SLC22A9: variants seen among roughly 807,000 people sequenced by gnomAD.
SLC22A9 encodes organic anion transporter 7.
SLC22A9 carries 64 observed loss-of-function variants against 50.1 expected under a neutral mutation model. The observed-to-expected ratio is 1.28, with a 90% CI of 1.04 to 1.57. The LOEUF is 1.57. Among genes scored for constraint, SLC22A9 ranks in the 40% most tolerant of loss-of-function variants. The pLI is 0.00. For missense variants in SLC22A9, 757 were observed against 676.1 expected (o/e 1.12, Z -1.33); for synonymous variants, 261 against 242.5 (o/e 1.08, Z -0.71).
At chr11:63,390,290 A>T (rs2014740766) in intron 6 of SLC22A9, among the ~76,000 whole-genome samples, 1 of 152,104 alleles carries the variant, frequency 6.6e-6, no homozygotes, top group Non-Finnish European at 1.5e-5. Context: ...GTTTTCTTCT[A>T]GGGTTTTTAT....
intron 6 of SLC22A9, among the ~76,000 whole-genome samples, chr11:63,400,510 C>T (rs990783464): frequency 7.2e-5 from 11 of 151,896 alleles, no homozygotes; most frequent in African/African-American, 2.7e-4. Context: ...AGCAAGACAC[C>T]AGCAGTAATA....
intron 6 of SLC22A9, among the ~76,000 whole-genome samples, chr11:63,404,454 C>G (rs781675611): frequency 6.6e-5 from 10 of 152,168 alleles, no homozygotes; most frequent in Non-Finnish European, 1.3e-4. Flanking sequence ...GTAGGTAAAT[C>G]TCTCAGCTTA....
In SLC22A9 at chr11:63,408,828, C is replaced by A. The variant is rs955191340; in HGVS notation, c.1550C>A (p.Pro517His). ...FISGFAFLLL[P>H]ETRNKPLFDT... ...TCTGGCTTTGCTTTCCTCCTCCTTC[C>A]TGAAACCAGGAACAAGCCTCTGTTT... The change falls in exon 9 of 10, where the codon CCT becomes CAT. Residue 517 changes from proline to histidine, a missense_variant. Pro to His is a moderately conservative substitution (Grantham distance 77). Coordinates refer to ENST00000279178, the MANE Select transcript of SLC22A9 (RefSeq NM_080866.3). The A allele has an allele frequency of 6.2e-7, 1 of 1,613,910 alleles. No homozygotes were observed. Among genetic ancestry groups the A allele is most frequent in the African/African-American group, 1.3e-5 (1 of 75,004 alleles).
At position 63,409,953 on chromosome 11, in the gene SLC22A9, TAAC is replaced by T; in HGVS notation, c.*94_*96del. On this transcript the variant is annotated 3_prime_UTR_variant, in exon 10 of 10. Transcript: ENST00000279178. ...ACACTAGCAAAATCTAGAAAATAAA[TAAC>T]AAGGCTGGGTGCGGTGGCTCACGCC... 1 of 1,464,320 alleles carries T rather than the reference TAAC, an allele frequency of 6.8e-7. No individual in the cohort carries two copies. Among genetic ancestry groups the T allele is most frequent in the Non-Finnish European group, 9.5e-7 (1 of 1,054,784 alleles). The allele number at this position is 1,464,320 out of a possible 1,614,324, so 90.7% of individuals were successfully genotyped here.
chr11:63,384,827 C>T (rs1016825375), intron 6 of SLC22A9, among the ~76,000 whole-genome samples: 1 of 152,020 alleles, frequency 6.6e-6, no homozygotes, highest in Non-Finnish European at 1.5e-5. Flanking sequence ...TAATATTTGC[C>T]ATTCTGATTG....
chr11:63,369,923 A>T lies in SLC22A9; in HGVS notation c.-134A>T. 3 of 879,376 alleles carry T rather than the reference A, an allele frequency of 3.4e-6. No individual in the cohort carries two copies. The highest frequency in any genetic ancestry group is 1.9e-5 in the South Asian group (1 of 52,432). 54.5% of individuals were successfully genotyped at this position (879,376 alleles called of 1,614,324 possible). A position where few individuals can be genotyped will look rare whatever the true frequency, so the allele number is the denominator to read the frequency against. ...CGGTCCTGCTGCAGAGGGGAAGCAC[A>T]GTCGTCAAGAAGAGAGTGGGGTCAG... On this transcript the variant is annotated 5_prime_UTR_variant, in exon 1 of 10. Coordinates refer to ENST00000279178, the MANE Select transcript of SLC22A9 (RefSeq NM_080866.3).
chr11:63,376,973 C>T (rs113557664), intron 5 of SLC22A9, among the ~76,000 whole-genome samples: 19 of 152,060 alleles, frequency 1.2e-4, no homozygotes, highest in African/African-American at 4.6e-4. Context: ...CATAATGATC[C>T]AGGGTTCAAT....
intron 6 of SLC22A9, among the ~76,000 whole-genome samples, chr11:63,405,952 CG>C (rs2015029138): frequency 6.6e-6 from 1 of 152,068 alleles, no homozygotes; most frequent in East Asian, 1.9e-4. Flanking sequence ...CATCATTTTA[CG>C]ATAATTTAAA....
At position 63,371,111 on chromosome 11, in the gene SLC22A9, T is replaced by C. The variant is rs751641321; in HGVS notation, c.403-24T>C. 2.8e-5 allele frequency: 43 copies of C among 1,552,666 alleles called. 1 individual carries two copies. The highest frequency in any genetic ancestry group is 7.1e-6 in the Non-Finnish European group (8 of 1,125,170). On this transcript the variant is annotated intron_variant, in intron 1 of 9. Coordinates refer to ENST00000279178, the MANE Select transcript of SLC22A9 (RefSeq NM_080866.3). ...TACACTGAGGGGTAATAAGCATTGA[T>C]GTGCTGGCTTCCTTCTCTTCCAGTG...
chr11:63,377,012 T>C (rs1279101141), intron 5 of SLC22A9, among the ~76,000 whole-genome samples: 1 of 152,144 alleles, frequency 6.6e-6, no homozygotes, highest in African/African-American at 2.4e-5. Context: ...CTTAAATATA[T>C]ATGCACCCAA....
chr11:63,398,814 T>C (rs776902180), intron 6 of SLC22A9, among the ~76,000 whole-genome samples: 4 of 152,214 alleles, frequency 2.6e-5, no homozygotes, highest in Non-Finnish European at 4.4e-5. Flanking sequence ...TTTTGGCTCT[T>C]ATGAAGCTGC....
intron 6 of SLC22A9, among the ~76,000 whole-genome samples, chr11:63,394,121 G>A (rs143111050): frequency 2.0e-5 from 3 of 151,998 alleles, no homozygotes; most frequent in South Asian, 2.1e-4. Flanking sequence ...CGAAGTTCTC[G>A]TGTTGTGTTT....
intron 6 of SLC22A9, among the ~76,000 whole-genome samples, chr11:63,396,086 G>A (rs945887726): frequency 2.6e-5 from 4 of 152,126 alleles, no homozygotes; most frequent in Non-Finnish European, 5.9e-5. Context: ...TGTTTTCCAG[G>A]CAGTGAGTGA....
rs139591412 is a variant in SLC22A9 at position 63,373,963 on chromosome 11, C to T, written c.731C>T (p.Ala244Val). The T allele has an allele frequency of 1.1e-4, 181 of 1,613,544 alleles. No individual in the cohort carries two copies. The highest frequency in any genetic ancestry group is 8.2e-4 in the Middle Eastern group (5 of 6,076). The change falls in exon 4 of 10, where the codon GCA (alanine) becomes GTA (valine). Residue 244 changes from alanine (A) to valine (V), a missense_variant. By Grantham distance (64) the Ala-to-Val change is moderately conservative (BLOSUM62 0). Coordinates refer to ENST00000279178, the MANE Select transcript of SLC22A9 (RefSeq NM_080866.3). ...ITLGMCPSGI[A>V]FMTLAGLAFA... is the part of the protein sequence containing the mutation. Reference sequence around the variant, plus strand: ...TTGGGAATGTGCCCTTCTGGTATTGCATTTATGACCCTGGCAGGCCTGGCT... The same window carrying T: ...TTGGGAATGTGCCCTTCTGGTATTGTATTTATGACCCTGGCAGGCCTGGCT...
intron 6 of SLC22A9, among the ~76,000 whole-genome samples, chr11:63,391,724 A>C (rs531231266): frequency 6.6e-6 from 1 of 152,004 alleles, no homozygotes; most frequent in African/African-American, 2.4e-5. Context: ...TCTTGTAAGC[A>C]ACAGATCATT....
At chr11:63,407,390 G>A (rs972202129) in intron 7 of SLC22A9, among the ~76,000 whole-genome samples, 1 of 152,140 alleles carries the variant, frequency 6.6e-6, no homozygotes, top group Non-Finnish European at 1.5e-5. Flanking sequence ...GTGTAGTAAT[G>A]TATCTAACAG....
chr11:63,374,078 T>C lies in SLC22A9; in HGVS notation c.830+16T>C, dbSNP rs569112813. The C allele has an allele frequency of 4.6e-4, 727 of 1,591,646 alleles. 12 individuals are homozygous for C. The South Asian group carries it at 8.2e-3, about 18-fold the overall frequency. ...TGACCTCAAGGTATGAGTTTGTTTC[T>C]TCTTTTGTCTTAATGAGATATTGGA... On this transcript the variant is annotated intron_variant, in intron 4 of 9. Coordinates refer to ENST00000279178, the MANE Select transcript of SLC22A9 (RefSeq NM_080866.3).
intron 6 of SLC22A9, among the ~76,000 whole-genome samples, chr11:63,398,616 C>T (rs2014901214): frequency 6.6e-6 from 1 of 152,120 alleles, no homozygotes; most frequent in Non-Finnish European, 1.5e-5. Context: ...CACTGATTCC[C>T]AATGCAAAGT....
intron 5 of SLC22A9, among the ~76,000 whole-genome samples, chr11:63,377,955 T>C (rs2014493160): frequency 6.6e-6 from 1 of 151,892 alleles, no homozygotes; most frequent in Non-Finnish European, 1.5e-5. Flanking sequence ...CTGGAAGAAA[T>C]AGATAATTCT....
Sources: allele counts gnomAD v4.1 joint callset (sites outside exome capture counted in the v4.1 genomes callset), GRCh38; gene constraint gnomAD v4.1.1; transcripts MANE v1.5; gene names NCBI Gene and HGNC (gene_info 2026-07-23, HGNC 2026-07-21).